The following SAMD5 variants were observed in gnomAD, a reference collection of about 807,000 sequenced individuals.
SAMD5 encodes sterile alpha motif domain-containing protein 5.
In SAMD5, 13 loss-of-function variants were observed where a neutral mutation model predicts 11.3. The observed-to-expected ratio is 1.15, with a 90% CI of 0.75 to 1.83. The LOEUF is 1.83. SAMD5 is among the 40% of genes most tolerant of loss of function. The pLI, the probability that SAMD5 is intolerant of heterozygous loss-of-function variation, is 0.00. For missense variants in SAMD5, 255 were observed against 239.1 expected (o/e 1.07, Z -0.44); for synonymous variants, 129 against 111.3 (o/e 1.16, Z -1.00).
intron 1 of SAMD5, among the ~76,000 whole-genome samples, chr6:147,726,626 A>C (rs1299180467): frequency 2.0e-5 from 3 of 152,306 alleles, no homozygotes; most frequent in South Asian, 4.1e-4. Flanking sequence ...GGGGGTTAAG[A>C]GCAAGGACTT....
the SAMD5 span, among the ~76,000 whole-genome samples, chr6:147,889,474 C>G: frequency 5.3e-5 from 8 of 152,166 alleles, no homozygotes; most frequent in Non-Finnish European, 1.0e-4. Context: ...TCTGTTTTAA[C>G]TGATTGATTT....
intron 1 of SAMD5, among the ~76,000 whole-genome samples, chr6:147,660,260 A>G (rs1357336111): frequency 1.1e-4 from 16 of 152,140 alleles, no homozygotes; most frequent in Admixed American, 9.8e-4. Context: ...TCTACCATTT[A>G]TTACATGGAA....
At chr6:147,904,260 G>A in the SAMD5 span, among the ~76,000 whole-genome samples, 14 of 152,134 alleles carry the variant, frequency 9.2e-5, no homozygotes, top group East Asian at 1.9e-4. Flanking sequence ...CCCCATTGGC[G>A]TGTGCATGAA....
the SAMD5 span, among the ~76,000 whole-genome samples, chr6:147,786,813 A>G: frequency 6.6e-6 from 1 of 152,178 alleles, no homozygotes; most frequent in Admixed American, 6.5e-5. Context: ...GTGAGGGAGT[A>G]TTTCCTTGAG....
intron 1 of SAMD5, among the ~76,000 whole-genome samples, chr6:147,622,447 C>T (rs1789984993): frequency 6.6e-6 from 1 of 152,172 alleles, no homozygotes; most frequent in Admixed American, 6.5e-5. Context: ...GCCAACTGTA[C>T]TTAGTACTGT....
the SAMD5 span, among the ~76,000 whole-genome samples, chr6:147,853,150 C>T: frequency 3.3e-5 from 5 of 152,098 alleles, no homozygotes; most frequent in African/African-American, 1.2e-4. Context: ...TCTGACAGGT[C>T]AAATCTGCCA....
chr6:147,804,043 A>T, the SAMD5 span, among the ~76,000 whole-genome samples: 1 of 151,314 alleles, frequency 6.6e-6, no homozygotes, highest in Non-Finnish European at 1.5e-5. Flanking sequence ...CCATAGGTCT[A>T]TTCAGCCACA....
chr6:147,808,234 ACT>A, the SAMD5 span, among the ~76,000 whole-genome samples: 20 of 152,218 alleles, frequency 1.3e-4, no homozygotes, highest in African/African-American at 4.3e-4. Flanking sequence ...ACTGGGTCTC[ACT>A]CTGTCACCCA....
chr6:147,903,937 C>T, the SAMD5 span, among the ~76,000 whole-genome samples: 1 of 151,694 alleles, frequency 6.6e-6, no homozygotes, highest in Non-Finnish European at 1.5e-5. Flanking sequence ...CTTCTAAGAT[C>T]ACTTAATATT....
chr6:147,876,401 G>A, the SAMD5 span, among the ~76,000 whole-genome samples: 126,469 of 152,152 alleles, frequency 0.83, 52,863 homozygotes, highest in African/African-American at 0.91. Flanking sequence ...TAAAAATGGT[G>A]GATTCCTCAG....
intron 1 of SAMD5, among the ~76,000 whole-genome samples, chr6:147,614,933 C>T (rs564013773): frequency 3.9e-5 from 6 of 152,020 alleles, no homozygotes; most frequent in Admixed American, 1.3e-4. Flanking sequence ...ACATCTACAA[C>T]ATCTTTCTTG....
the SAMD5 span, among the ~76,000 whole-genome samples, chr6:147,934,031 C>T: frequency 6.6e-6 from 1 of 152,302 alleles, no homozygotes; most frequent in South Asian, 2.1e-4. Flanking sequence ...TACTTTCCCC[C>T]CATAAAATAT....
At chr6:147,607,541 C>G (rs1201219440) in intron 1 of SAMD5, among the ~76,000 whole-genome samples, 2 of 152,088 alleles carry the variant, frequency 1.3e-5, no homozygotes, top group African/African-American at 4.8e-5. Flanking sequence ...CTACAGTGAA[C>G]CCATTTTTGA....
chr6:147,630,889 T>G (rs1790139806), intron 1 of SAMD5, among the ~76,000 whole-genome samples: 1 of 151,598 alleles, frequency 6.6e-6, no homozygotes, highest in Non-Finnish European at 1.5e-5. Flanking sequence ...GCGCCAGTGA[T>G]GGACTCGGGA....
downstream of SAMD5, among the ~76,000 whole-genome samples, chr6:147,739,180 G>A (rs1791845168): frequency 1.3e-5 from 2 of 152,194 alleles, no homozygotes; most frequent in Non-Finnish European, 2.9e-5. Context: ...TTTTCCTTGA[G>A]CCTAGTCAAA....
At chr6:147,698,058 C>G (rs538170148) in intron 1 of SAMD5, among the ~76,000 whole-genome samples, 1 of 152,134 alleles carries the variant, frequency 6.6e-6, no homozygotes, top group Non-Finnish European at 1.5e-5. Context: ...TTAGATCCCC[C>G]GCACACGCAG....
chr6:147,591,350 T>C (rs887869579), intron 1 of SAMD5, among the ~76,000 whole-genome samples: 5 of 152,192 alleles, frequency 3.3e-5, no homozygotes, highest in African/African-American at 1.2e-4. Context: ...ATTGTCCTTG[T>C]ATCCCTCACG....
intron 1 of SAMD5, among the ~76,000 whole-genome samples, chr6:147,675,164 CA>C (rs1790845673): frequency 1.3e-5 from 2 of 152,212 alleles, no homozygotes; most frequent in Admixed American, 1.3e-4. Context: ...CATACAAAAA[CA>C]GTTACTTTCA....
chr6:147,816,194 C>T, the SAMD5 span, among the ~76,000 whole-genome samples: 6 of 146,480 alleles, frequency 4.1e-5, no homozygotes, highest in East Asian at 8.3e-4. Flanking sequence ...GCAGGATAAT[C>T]GCTTGAACCC....
Sources: gnomAD v4.1 joint callset for allele counts (sites outside exome capture counted in the v4.1 genomes callset) on GRCh38, gnomAD v4.1.1 for gene constraint, MANE v1.5 for transcripts, NCBI Gene and HGNC (gene_info 2026-07-23, HGNC 2026-07-21) for gene names.